DCC: variants seen among roughly 807,000 people sequenced by gnomAD.
DCC encodes DCC netrin 1 receptor.
Under a neutral mutation model 172.5 loss-of-function variants are expected in DCC, and 58 were observed. The ratio of observed to expected loss-of-function variants is 0.34; its 90% CI spans 0.27 to 0.42. The LOEUF is 0.42. Ranked by LOEUF, DCC falls within the 10% of genes least tolerant of loss-of-function variation. The probability of loss-of-function intolerance (pLI) is 1.00; values close to 1 mark genes in which losing one functional copy is unlikely to be tolerated. For synonymous variants in DCC, 709 were observed against 644.5 expected, an observed-to-expected ratio of 1.10 and a Z score of -1.52; for missense variants, 1,740 against 1,791.0, an observed-to-expected ratio of 0.97 and a Z score of 0.51.
chr18:52,652,103 G>T (rs73465813), intron 1 of DCC, among the ~76,000 whole-genome samples: 4,648 of 152,212 alleles, frequency 0.031, 220 homozygotes, highest in African/African-American at 0.1. Flanking sequence ...AGAACTAGGC[G>T]GTCTTGACAC....
chr18:53,473,016 T>G (rs899515907), intron 25 of DCC, among the ~76,000 whole-genome samples: 3 of 152,210 alleles, frequency 2.0e-5, no homozygotes, highest in Non-Finnish European at 4.4e-5. Flanking sequence ...CATATTTCTT[T>G]CCTTTTGAAA....
chr18:52,429,369 C>T (rs79930216), intron 1 of DCC, among the ~76,000 whole-genome samples: 4,338 of 152,152 alleles, frequency 0.029, 193 homozygotes, highest in African/African-American at 0.098. Context: ...TGCTAATAGA[C>T]ATTACCCTTG....
At chr18:52,491,218 C>T (rs1209656393) in intron 1 of DCC, among the ~76,000 whole-genome samples, 2 of 152,038 alleles carry the variant, frequency 1.3e-5, no homozygotes, top group Non-Finnish European at 2.9e-5. Flanking sequence ...TGTTGTATGT[C>T]ATGCTCTCTA....
At chr18:53,111,728 C>A (rs1191568980) in intron 7 of DCC, among the ~76,000 whole-genome samples, 1 of 151,528 alleles carries the variant, frequency 6.6e-6, no homozygotes. Context: ...GTACATTTTC[C>A]CTGGAAACCT....
Position 52,891,039 on chromosome 18 carries a change from A to C in DCC, c.413-15005A>C, listed in dbSNP as rs149030554. Among the ~76,000 whole-genome samples, 7 of 152,214 alleles carry C rather than the reference A, an allele frequency of 4.6e-5. No individual in the cohort carries two copies. In the East Asian group the frequency reaches 7.7e-4, roughly 17 times the overall value. ...CAATTAAATCAGTGTAAATGGTGTA[A>C]AATTAATAAGAAGGCTCAATAAATG... On this transcript the variant is annotated intron_variant, in intron 2 of 28. Coordinates refer to ENST00000442544, the MANE Select transcript of DCC (RefSeq NM_005215.4).
At chr18:53,189,467 T>C (rs768481609) in intron 9 of DCC, among the ~76,000 whole-genome samples, 5 of 151,694 alleles carry the variant, frequency 3.3e-5, no homozygotes, top group Non-Finnish European at 7.4e-5. Context: ...TAATTGTATA[T>C]GTACATATAG....
At chr18:52,885,333 G>T (rs1289635153) in intron 2 of DCC, among the ~76,000 whole-genome samples, 1 of 152,184 alleles carries the variant, frequency 6.6e-6, no homozygotes, top group African/African-American at 2.4e-5. Context: ...TTTACTTGAT[G>T]TTCTCTTCTA....
chr18:52,747,952 G>A (rs1441642221), intron 1 of DCC, among the ~76,000 whole-genome samples: 1 of 152,216 alleles, frequency 6.6e-6, no homozygotes, highest in Admixed American at 6.5e-5. Flanking sequence ...ACAACACGCA[G>A]CGCTCCTGCC....
intron 23 of DCC, among the ~76,000 whole-genome samples, chr18:53,458,186 C>T (rs2045506506): frequency 6.6e-6 from 1 of 152,044 alleles, no homozygotes; most frequent in Admixed American, 6.6e-5. Context: ...TTATTTCTTA[C>T]AAGAGACATT....
intron 13 of DCC, among the ~76,000 whole-genome samples, chr18:53,319,808 C>A (rs1437369572): frequency 1.3e-5 from 2 of 152,182 alleles, no homozygotes; most frequent in Non-Finnish European, 2.9e-5. Context: ...CTGAATGAAT[C>A]TGGGCCATCC....
chr18:52,981,129 T>A (rs2041202514), intron 5 of DCC, among the ~76,000 whole-genome samples: 1 of 152,124 alleles, frequency 6.6e-6, no homozygotes, highest in African/African-American at 2.4e-5. Flanking sequence ...AAATATCTTT[T>A]AGCTTCAGAT....
intron 1 of DCC, among the ~76,000 whole-genome samples, chr18:52,647,210 C>T (rs1242188082): frequency 6.6e-6 from 1 of 152,176 alleles, no homozygotes; most frequent in Admixed American, 6.5e-5. Flanking sequence ...ACACTGTTTT[C>T]TTCTTTACAT....
intron 5 of DCC, among the ~76,000 whole-genome samples, chr18:52,956,912 G>T (rs2040753826): frequency 6.6e-6 from 1 of 152,050 alleles, no homozygotes; most frequent in South Asian, 2.1e-4. Context: ...GAAACAGGCA[G>T]GTACACTTTT....
chr18:52,979,948 T>C (rs28469582), intron 5 of DCC, among the ~76,000 whole-genome samples: 69,255 of 152,008 alleles, frequency 0.46, 16,290 homozygotes, highest in Non-Finnish European at 0.51. Context: ...GCAGCCCAGT[T>C]ACTGTCAGTG....
At chr18:53,105,135 A>G (rs1240019309) in intron 7 of DCC, among the ~76,000 whole-genome samples, 1 of 152,060 alleles carries the variant, frequency 6.6e-6, no homozygotes, top group Non-Finnish European at 1.5e-5. Context: ...TCTTGGAAAA[A>G]CAGGGTGAGA....
chr18:53,408,314 G>A (rs1411055515), intron 19 of DCC, among the ~76,000 whole-genome samples: 1 of 152,152 alleles, frequency 6.6e-6, no homozygotes, highest in Non-Finnish European at 1.5e-5. Flanking sequence ...TTACAAGGCT[G>A]CAAATTCAAA....
chr18:52,747,817 T>C (rs1007954794), intron 1 of DCC, among the ~76,000 whole-genome samples: 8 of 152,214 alleles, frequency 5.3e-5, no homozygotes, highest in Non-Finnish European at 1.2e-4. Context: ...TTTATCTAAA[T>C]TGATGTCAAT....
intron 1 of DCC, among the ~76,000 whole-genome samples, chr18:52,553,019 G>T (rs1159190078): frequency 6.6e-6 from 1 of 152,002 alleles, no homozygotes; most frequent in East Asian, 1.9e-4. Flanking sequence ...GGTTCAAAGG[G>T]AAATGTCTTT....
intron 5 of DCC, among the ~76,000 whole-genome samples, chr18:53,009,846 C>G (rs556149862): frequency 1.3e-5 from 2 of 152,082 alleles, no homozygotes; most frequent in African/African-American, 4.8e-5. Context: ...TGGAAAACCT[C>G]TGCCCTATTG....
Sources: allele counts gnomAD v4.1 joint callset (sites outside exome capture counted in the v4.1 genomes callset), GRCh38; gene constraint gnomAD v4.1.1; transcripts MANE v1.5; gene names NCBI Gene and HGNC (gene_info 2026-07-23, HGNC 2026-07-21).